The following NRF1 variants were observed in gnomAD, a reference collection of about 807,000 sequenced individuals.
NRF1 encodes nuclear respiratory factor 1.
In NRF1, 5 loss-of-function variants were observed where a neutral mutation model predicts 58.5. The ratio of observed to expected loss-of-function variants is 0.09; its 90% CI spans 0.04 to 0.18. The LOEUF (loss-of-function observed/expected upper bound fraction) is 0.18. Ranked by LOEUF, NRF1 falls within the 10% of genes least tolerant of loss-of-function variation. The pLI is 1.00. For missense variants in NRF1, 288 were observed against 657.7 expected, an observed-to-expected ratio of 0.44 and a Z score of 6.15; for synonymous variants, 224 against 246.7, an observed-to-expected ratio of 0.91 and a Z score of 0.86.
At chr7:129,632,773 A>G (rs1801079350) in intron 1 of NRF1, among the ~76,000 whole-genome samples, 1 of 152,214 alleles carries the variant, frequency 6.6e-6, no homozygotes, top group Non-Finnish European at 1.5e-5. Context: ...AATGCTGTAG[A>G]TATTTGATAT....
intron 1 of NRF1, among the ~76,000 whole-genome samples, chr7:129,650,495 T>G (rs1190923823): frequency 6.6e-6 from 1 of 152,156 alleles, no homozygotes; most frequent in Non-Finnish European, 1.5e-5. Context: ...CTTACACAGT[T>G]AAGAAAACCA....
chr7:129,669,079 C>G (rs1762852746), intron 2 of NRF1, among the ~76,000 whole-genome samples: 1 of 152,120 alleles, frequency 6.6e-6, no homozygotes, highest in Admixed American at 6.5e-5. Flanking sequence ...TCCTGAGTAG[C>G]TGGGACTACA....
chr7:129,735,734 CGCGGTGGCT>C (rs1207763840), intron 10 of NRF1, among the ~76,000 whole-genome samples: 5 of 151,090 alleles, frequency 3.3e-5, no homozygotes, highest in Admixed American at 3.3e-4. Flanking sequence ...GACCACCGGG[CGCGGTGGCT>C]GACGCCTGTA....
chr7:129,619,433 T>TATATATAC (rs1554401492), intron 1 of NRF1, among the ~76,000 whole-genome samples: 10 of 65,872 alleles, frequency 1.5e-4, no homozygotes, highest in Admixed American at 3.9e-4. Flanking sequence ...TATATATATA[T>TATATATAC]ACACACACAC....
chr7:129,728,468 CA>C (rs60777041), intron 10 of NRF1, among the ~76,000 whole-genome samples: 70 of 96,412 alleles, frequency 7.3e-4, no homozygotes, highest in South Asian at 1.8e-3. Flanking sequence ...GACTCCGTCT[CA>C]AAAAAAAAAA....
chr7:129,683,153 T>A (rs1410565409), intron 4 of NRF1, among the ~76,000 whole-genome samples: 4 of 152,034 alleles, frequency 2.6e-5, no homozygotes, highest in Non-Finnish European at 1.5e-5. Context: ...TTTGCCTGCC[T>A]TGGCCTCCCA....
intron 1 of NRF1, among the ~76,000 whole-genome samples, chr7:129,655,933 G>A (rs1028454853): frequency 6.6e-6 from 1 of 152,068 alleles, no homozygotes; most frequent in Non-Finnish European, 1.5e-5. Context: ...TTTCTAATTA[G>A]CATTTTCTTC....
At chr7:129,699,690 C>A (rs1381723332) in intron 5 of NRF1, among the ~76,000 whole-genome samples, 1 of 151,180 alleles carries the variant, frequency 6.6e-6, no homozygotes, top group Non-Finnish European at 1.5e-5. Context: ...GAGATCGCGC[C>A]ACTGCACTCC....
At chr7:129,696,443 T>C (rs1802700713) in intron 5 of NRF1, among the ~76,000 whole-genome samples, 1 of 152,154 alleles carries the variant, frequency 6.6e-6, no homozygotes, top group Non-Finnish European at 1.5e-5. Flanking sequence ...AATCCACCTT[T>C]CTGTGTGTGT....
intron 10 of NRF1, among the ~76,000 whole-genome samples, chr7:129,749,862 G>A (rs1804071631): frequency 1.3e-5 from 2 of 151,756 alleles, no homozygotes; most frequent in African/African-American, 4.8e-5. Flanking sequence ...TTACTTTTGA[G>A]TTCAAATAAA....
chr7:129,753,145 G>C (rs1804163060), intron 10 of NRF1, among the ~76,000 whole-genome samples: 1 of 150,180 alleles, frequency 6.7e-6, no homozygotes, highest in Non-Finnish European at 1.5e-5. Context: ...GATTTTTTTT[G>C]CATTAGAAAA....
chr7:129,684,056 CA>C (rs571833964), intron 4 of NRF1, among the ~76,000 whole-genome samples: 1 of 151,578 alleles, frequency 6.6e-6, no homozygotes, highest in African/African-American at 2.4e-5. Context: ...GTCTTATTTT[CA>C]AAAAAATTTA....
At chr7:129,728,372 G>A (rs1803497702) in intron 10 of NRF1, among the ~76,000 whole-genome samples, 1 of 150,154 alleles carries the variant, frequency 6.7e-6, no homozygotes, top group African/African-American at 2.5e-5. Flanking sequence ...GCGAGGCTGA[G>A]GCAAGAAAAT....
At chr7:129,692,548 G>A (rs536164193) in intron 5 of NRF1, among the ~76,000 whole-genome samples, 1 of 152,208 alleles carries the variant, frequency 6.6e-6, no homozygotes, top group East Asian at 1.9e-4. Context: ...GCGAGATCCT[G>A]CCTCAAATAA....
intron 2 of NRF1, among the ~76,000 whole-genome samples, chr7:129,663,845 T>C (rs1041279276): frequency 1.3e-5 from 2 of 152,112 alleles, no homozygotes; most frequent in African/African-American, 2.4e-5. Context: ...ACATTGAGCA[T>C]TGAGTGAGCG....
At chr7:129,672,769 T>G (rs1477312534) in intron 3 of NRF1, among the ~76,000 whole-genome samples, 1 of 152,048 alleles carries the variant, frequency 6.6e-6, no homozygotes, top group African/African-American at 2.4e-5. Flanking sequence ...AGGAATTTGG[T>G]TTTGGACATG....
intron 1 of NRF1, among the ~76,000 whole-genome samples, chr7:129,655,624 C>T (rs1358682876): frequency 2.0e-5 from 3 of 151,920 alleles, no homozygotes; most frequent in South Asian, 2.1e-4. Flanking sequence ...TGGGTTCAAG[C>T]GATTCTTCTG....
At chr7:129,634,003 G>C (rs1020721367) in intron 1 of NRF1, among the ~76,000 whole-genome samples, 1 of 140,574 alleles carries the variant, frequency 7.1e-6, no homozygotes, top group African/African-American at 2.7e-5. Flanking sequence ...TTTTTTAAGG[G>C]AATATTGTTT....
chr7:129,613,615 C>T (rs1800592340), intron 1 of NRF1, among the ~76,000 whole-genome samples: 3 of 151,934 alleles, frequency 2.0e-5, no homozygotes, highest in Admixed American at 2.0e-4. Flanking sequence ...AAACTCTTTA[C>T]GGCCGGGTGC....
Sources: allele counts gnomAD v4.1 joint callset (sites outside exome capture counted in the v4.1 genomes callset), GRCh38; gene constraint gnomAD v4.1.1; transcripts MANE v1.5; gene names NCBI Gene and HGNC (gene_info 2026-07-23, HGNC 2026-07-21).